MIA3: variants seen among roughly 807,000 people sequenced by gnomAD.
The protein encoded by MIA3 is MIA SH3 domain ER export factor 3, also known as transport and Golgi organization protein 1 homolog.
Under a neutral mutation model 192.4 loss-of-function variants are expected in MIA3, and 90 were observed. The ratio of observed to expected loss-of-function variants is 0.47; its 90% CI spans 0.39 to 0.56. The LOEUF is 0.56. Ranked by LOEUF, MIA3 falls within the 20% of genes least tolerant of loss-of-function variation. The pLI, the probability that MIA3 is intolerant of heterozygous loss-of-function variation, is 0.00. For missense variants in MIA3, 2,123 were observed against 2,269.4 expected, an observed-to-expected ratio of 0.94 and a Z score of 1.31; for synonymous variants, 740 against 792.8, an observed-to-expected ratio of 0.93 and a Z score of 1.12.
intron 5 of MIA3, among the ~76,000 whole-genome samples, chr1:222,632,876 A>G (rs17163345): frequency 0.58 from 87,533 of 152,098 alleles, 27,714 homozygotes; most frequent in Non-Finnish European, 0.71. Context: ...AAGTATGTTT[A>G]TAGCATAAGC....
chr1:222,649,953 G>A (rs570511545), intron 8 of MIA3, among the ~76,000 whole-genome samples: 23 of 152,094 alleles, frequency 1.5e-4, no homozygotes, highest in Non-Finnish European at 2.2e-4. Context: ...GAGAGTGAGC[G>A]GGGAGGTGCT....
chr1:222,634,300 G>T (rs978345837), intron 6 of MIA3, among the ~76,000 whole-genome samples: 4 of 151,782 alleles, frequency 2.6e-5, no homozygotes, highest in Admixed American at 6.6e-5. Context: ...CAGCCTGAGC[G>T]ACAGAGCAAG....
In MIA3 at chr1:222,667,250, TC is replaced by T. The variant is rs1664329969; in HGVS notation, c.*1634del. 6.6e-6 allele frequency: 1 copy of T among 152,150 alleles called. No individual in the cohort carries two copies. The highest frequency in any genetic ancestry group is 6.5e-5 in the Admixed American group (1 of 15,272). 9.4% of individuals were successfully genotyped at this position (152,150 alleles called of 1,614,324 possible). ...AAAAGAGAATTCAATCTATATGTCC[TC>T]CCGTTTAATATCAAGAATAGAAGAA... On this transcript the variant is annotated 3_prime_UTR_variant, in exon 28 of 28. Coordinates refer to ENST00000344922, the MANE Select transcript of MIA3 (RefSeq NM_198551.4).
intron 24 of MIA3, chr1:222,661,161 A>T (rs4575092): frequency 0.57 from 86,508 of 152,594 alleles, 27,757 homozygotes; most frequent in Non-Finnish European, 0.72. Flanking sequence ...TGTTTAGTGC[A>T]ATAACATAAA....
At chr1:222,625,259 C>G (rs1261995266) in intron 3 of MIA3, among the ~76,000 whole-genome samples, 1 of 152,226 alleles carries the variant, frequency 6.6e-6, no homozygotes, top group Admixed American at 6.5e-5. Context: ...CCCGCCTCAG[C>G]CTCCCAAAGT....
intron 6 of MIA3, among the ~76,000 whole-genome samples, chr1:222,636,048 TACAAA>T (rs1370417768): frequency 6.6e-6 from 1 of 152,222 alleles, no homozygotes; most frequent in Non-Finnish European, 1.5e-5. Context: ...ATTTCAAATA[TACAAA>T]AGCAGAGAAT....
Position 222,619,003 on chromosome 1 carries a change from C to T in MIA3, c.133+760C>T, listed in dbSNP as rs1344878798. On this transcript the variant is annotated intron_variant, in intron 1 of 27. Transcript: ENST00000344922. ...GGACTGCAGGAAGACCAAAATCTTT[C>T]GCTCTGCAGAGACCGAGGATCTGCA... Among the ~76,000 whole-genome samples the T allele has an allele frequency of 4.6e-5, 7 of 152,132 alleles. No individual in the cohort carries two copies. In the East Asian group the frequency reaches 1.2e-3, roughly 25 times the overall value.
Position 222,628,064 on chromosome 1 carries a change from A to G in MIA3, c.844A>G (p.Thr282Ala). ...AGACTTGAAAACCAAATTTGGCTCAACAGCTGATGCACTTGTATCTGATGA... is the reference window on the plus strand; with the variant it reads ...AGACTTGAAAACCAAATTTGGCTCAGCAGCTGATGCACTTGTATCTGATGA... ...TLDLKTKFGS[T>A]ADALVSDDET... Residue 282 changes from threonine to alanine, a missense_variant, in exon 4 of 28, where the codon ACA becomes GCA. Physicochemically the swap from Thr to Ala is moderately conservative, Grantham distance 58. This residue lies in a region of MIA3 where 1,357 missense variants were observed against 1,396.1 expected (regional missense o/e 0.97). Transcript: ENST00000344922. 1 of 1,614,160 alleles carries G rather than the reference A, an allele frequency of 6.2e-7. No homozygotes were observed. The highest frequency in any genetic ancestry group is 8.5e-7 in the Non-Finnish European group (1 of 1,180,040).
At chr1:222,632,829 G>T (rs531523703) in intron 5 of MIA3, among the ~76,000 whole-genome samples, 2 of 152,242 alleles carry the variant, frequency 1.3e-5, no homozygotes, top group South Asian at 4.2e-4. Context: ...ATCTGGACAT[G>T]GTAAGTAAAA....
chr1:222,618,983 G>A (rs1020962934), intron 1 of MIA3, among the ~76,000 whole-genome samples: 1 of 152,160 alleles, frequency 6.6e-6, no homozygotes, highest in African/African-American at 2.4e-5. Flanking sequence ...AGGCAGGACT[G>A]CAGGAAGACC....
intron 6 of MIA3, chr1:222,641,817 CA>C: frequency 1.9e-6 from 1 of 539,538 alleles, no homozygotes; most frequent in South Asian, 1.4e-5. Flanking sequence ...GGTTCTTGAG[CA>C]TTTCTAGCTG....
At chr1:222,621,952 G>T (rs557304639) in intron 2 of MIA3, among the ~76,000 whole-genome samples, 8 of 152,246 alleles carry the variant, frequency 5.3e-5, no homozygotes, top group African/African-American at 9.6e-5. Flanking sequence ...GGGGCTGCAG[G>T]TGCCTGCCAC....
intron 6 of MIA3, chr1:222,644,297 G>A: frequency 4.2e-6 from 6 of 1,418,734 alleles, no homozygotes; most frequent in Non-Finnish European, 5.5e-6. Context: ...AGGGGCAGTG[G>A]CTGATGACGT....
At chr1:222,655,739 C>A (rs1320741133) in intron 18 of MIA3, among the ~76,000 whole-genome samples, 1 of 152,174 alleles carries the variant, frequency 6.6e-6, no homozygotes, top group Non-Finnish European at 1.5e-5. Flanking sequence ...CACTTCTCTG[C>A]CTCCAATAGT....
chr1:222,632,207 C>T lies in MIA3; in HGVS notation c.3212C>T (p.Thr1071Ile). 1 of 1,614,142 alleles carries T rather than the reference C, an allele frequency of 6.2e-7. No homozygotes were observed. ...GAAGATAATTTCTCACGAGAGAAGACAGCAGAACTTAATGTGCAGGTTCCT... is the reference window on the plus strand; with the variant it reads ...GAAGATAATTTCTCACGAGAGAAGATAGCAGAACTTAATGTGCAGGTTCCT... ...LHEDNFSREKTAELNVQVPEE... is the reference protein window; with the variant it reads ...LHEDNFSREKIAELNVQVPEE... Residue 1071 changes from threonine (T) to isoleucine (I), a missense_variant, in exon 5 of 28, where the codon ACA becomes ATA. Thr to Ile is a moderately conservative substitution (Grantham distance 89, BLOSUM62 -1). This residue lies in a region of MIA3 where 1,357 missense variants were observed against 1,396.1 expected (regional missense o/e 0.97). Coordinates refer to ENST00000344922, the MANE Select transcript of MIA3 (RefSeq NM_198551.4).
chr1:222,650,938 T>C (rs1663398171), intron 11 of MIA3, 35 bp downstream of exon 11: 2 of 1,356,128 alleles, frequency 1.5e-6, no homozygotes, highest in South Asian at 2.5e-5. Context: ...ACTAATAATT[T>C]GGGTTTTGAA....
In MIA3 at chr1:222,658,819, T is replaced by TA; in HGVS notation, c.4706dup (p.Tyr1569Ter). The change falls in exon 19 of 28, where the codon TAC becomes TAAC. Residue 1569 changes from tyrosine to a stop codon, truncating the protein, a stop_gained and frameshift_variant. Coordinates refer to ENST00000344922, the MANE Select transcript of MIA3 (RefSeq NM_198551.4). LOFTEE classifies it high-confidence loss of function. ...TTCGGCTGCAGAGGAAGTAAAAACT[T>TA]ACAAGTAAGTTCACCTCCTAAAGAG... is the stretch of plus-strand genomic sequence containing the variant. The part of the protein sequence containing the change: ...AVSAAEEVKT[Y>*]KRRIEEMEDE... 6.2e-7 allele frequency: 1 copy of TA among 1,609,016 alleles called. No individual in the cohort carries two copies. The highest frequency in any genetic ancestry group is 8.5e-7 in the Non-Finnish European group (1 of 1,176,568).
At position 222,666,047 on chromosome 1, in the gene MIA3, C is replaced by CTGT. The variant is rs1223183148; in HGVS notation, c.*430_*432dup. 4 of 153,296 alleles carry CTGT rather than the reference C, an allele frequency of 2.6e-5. No homozygotes were observed. Among genetic ancestry groups the CTGT allele is most frequent in the African/African-American group, 9.6e-5 (4 of 41,468 alleles). 9.5% of individuals were successfully genotyped at this position (153,296 alleles called of 1,614,324 possible). On this transcript the variant is annotated 3_prime_UTR_variant, in exon 28 of 28. Coordinates refer to ENST00000344922, the MANE Select transcript of MIA3 (RefSeq NM_198551.4). Reference sequence around the variant, plus strand: ...TTTTTAAACTATCTGGTCACAAAGACTGTTACGCTAAAAATGTTTACTAAA... The same window carrying CTGT: ...TTTTTAAACTATCTGGTCACAAAGACTGTTGTTACGCTAAAAATGTTTACTAAA...
chr1:222,618,291 G>C, intron 1 of MIA3, 48 bp downstream of exon 1: 1 of 1,332,752 alleles, frequency 7.5e-7, no homozygotes, highest in Non-Finnish European at 9.7e-7. Context: ...TGGCCTTGGG[G>C]TCTCCGCCGG....
Sources: allele counts gnomAD v4.1 joint callset (sites outside exome capture counted in the v4.1 genomes callset), GRCh38; gene constraint gnomAD v4.1.1; regional missense constraint gnomAD v4.1.1; transcripts MANE v1.5; gene names NCBI Gene and HGNC (gene_info 2026-07-23, HGNC 2026-07-21).